KIAA1549: variants seen among roughly 807,000 people sequenced by gnomAD.
The protein encoded by KIAA1549 is UPF0606 protein KIAA1549.
KIAA1549 carries 70 observed loss-of-function variants against 156.4 expected under a neutral mutation model. The observed-to-expected ratio is 0.45, with a 90% CI of 0.37 to 0.55. KIAA1549 has a LOEUF of 0.55. Among genes scored for constraint, KIAA1549 ranks in the 20% least tolerant of loss-of-function variants. The pLI is 0.00. For missense variants in KIAA1549, 2,428 were observed against 2,540.9 expected, an observed-to-expected ratio of 0.96 and a Z score of 0.96; for synonymous variants, 1,103 against 1,066.4, an observed-to-expected ratio of 1.03 and a Z score of -0.67.
chr7:138,869,423 TG>T, intron 14 of KIAA1549, 114 bp downstream of exon 14: 1 of 787,000 alleles, frequency 1.3e-6, no homozygotes, highest in Non-Finnish European at 2.1e-6. Flanking sequence ...TGAACACGGA[TG>T]GGGTCCTTCT....
chr7:138,957,282 C>T (rs929134008), intron 1 of KIAA1549, among the ~76,000 whole-genome samples: 2 of 152,180 alleles, frequency 1.3e-5, no homozygotes, highest in Non-Finnish European at 2.9e-5. Context: ...ACCAGAGACA[C>T]TGCCATGTGA....
chr7:138,841,148 GGGGTGACAGGTTT>G (rs1468215342), intron 18 of KIAA1549, among the ~76,000 whole-genome samples: 1 of 152,104 alleles, frequency 6.6e-6, no homozygotes, highest in Non-Finnish European at 1.5e-5. Flanking sequence ...TATTAAGAAA[GGGGTGACAGGTTT>G]GGGAGCCACC....
rs975437857 is a variant in KIAA1549 at position 138,947,455 on chromosome 7, G to C, written c.188-28017C>G. Among the ~76,000 whole-genome samples, 11 of 151,994 alleles carry C rather than the reference G, an allele frequency of 7.2e-5. No individual in the cohort carries two copies. The East Asian group carries it at 1.3e-3, about 19-fold the overall frequency. On this transcript the variant is annotated intron_variant, in intron 1 of 19. Transcript: ENST00000422774. The stretch of plus-strand genomic sequence containing the variant: ...TGACCTCACCAAGCAGCCAGCCCAG[G>C]GGGTAGTCTCACACTGCCTGGGTCC...
intron 10 of KIAA1549, among the ~76,000 whole-genome samples, chr7:138,882,634 T>G (rs977198089): frequency 1.7e-4 from 26 of 152,216 alleles, no homozygotes; most frequent in Non-Finnish European, 7.4e-5. Flanking sequence ...TCTAATAGTT[T>G]GGGGCTAAGA....
rs1201727558 is a variant in KIAA1549, at chr7:138,861,299, G to A, written c.5087C>T (p.Ala1696Val). The A allele has an allele frequency of 1.2e-6, 2 of 1,608,706 alleles. No individual in the cohort carries two copies. The highest frequency in any genetic ancestry group is 4.5e-5 in the East Asian group (2 of 44,812). Residue 1696 changes from alanine to valine, a missense_variant, in exon 16 of 20, where the codon GCC (alanine) becomes GTC (valine). Physicochemically the swap from Ala to Val is moderately conservative, Grantham distance 64. This residue lies in a region of KIAA1549 where 363 missense variants were observed against 354.0 expected (regional missense o/e 1.03). Coordinates refer to ENST00000422774, the MANE Select transcript of KIAA1549 (RefSeq NM_001164665.2). ...TMHSLLDDAF[A>V]LVAPSSQPAS... ...AGGCTGGCTGCTGGGGGCCACGAGG[G>A]CAAAGGCGTCGTCCAGGAGGGAGTG... is the stretch of plus-strand genomic sequence containing the variant.
At chr7:138,905,160 T>TC in intron 6 of KIAA1549, 79 bp from the exon 7 acceptor site, 1 of 931,592 alleles carries the variant, frequency 1.1e-6, no homozygotes, top group Non-Finnish European at 1.7e-6. Context: ...TCCCAACACA[T>TC]CGTCTTTACT....
At chr7:138,867,159 C>A (rs184101008) in intron 15 of KIAA1549, among the ~76,000 whole-genome samples, 1 of 152,274 alleles carries the variant, frequency 6.6e-6, no homozygotes, top group East Asian at 1.9e-4. Flanking sequence ...TAAGCAAATA[C>A]GCTATCTTCT....
intron 1 of KIAA1549, among the ~76,000 whole-genome samples, chr7:138,930,042 G>A (rs1215979147): frequency 1.3e-5 from 2 of 152,342 alleles, no homozygotes; most frequent in East Asian, 3.9e-4. Context: ...ATGGGTTGCA[G>A]AATGGATGTG....
At chr7:138,862,106 C>G (rs2130368282) in intron 15 of KIAA1549, among the ~76,000 whole-genome samples, 1 of 152,182 alleles carries the variant, frequency 6.6e-6, no homozygotes, top group African/African-American at 2.4e-5. Flanking sequence ...TTTTCCCTAG[C>G]TAGAAGTCAA....
intron 1 of KIAA1549, among the ~76,000 whole-genome samples, chr7:138,958,096 CT>C (rs1464642737): frequency 6.6e-6 from 1 of 152,242 alleles, no homozygotes; most frequent in Admixed American, 6.5e-5. Flanking sequence ...CTTTGCACGA[CT>C]GTTATCCTCT....
Position 138,838,171 on chromosome 7 carries a change from T to A in KIAA1549, c.5599-11A>T. ...TCCGAGCATGTGTGTCTGAAAAACATGGCAAACGTCACTGTACTTCCTACG... is the reference window on the plus strand; with the variant it reads ...TCCGAGCATGTGTGTCTGAAAAACAAGGCAAACGTCACTGTACTTCCTACG... On this transcript the variant is annotated splice_polypyrimidine_tract_variant and intron_variant, in intron 19 of 19. Transcript: ENST00000422774. 1 of 1,456,070 alleles carries A rather than the reference T, an allele frequency of 6.9e-7. No homozygotes were observed. The highest frequency in any genetic ancestry group is 9.0e-7 in the Non-Finnish European group (1 of 1,110,252). 90.2% of individuals were successfully genotyped at this position (1,456,070 alleles called of 1,614,324 possible). A position where few individuals can be genotyped will look rare whatever the true frequency, so the allele number is the denominator to read the frequency against.
At chr7:138,940,187 C>A (rs1246949429) in intron 1 of KIAA1549, among the ~76,000 whole-genome samples, 1 of 151,864 alleles carries the variant, frequency 6.6e-6, no homozygotes, top group East Asian at 1.9e-4. Context: ...ACAACAGGCC[C>A]CGGTGTGTGA....
intron 1 of KIAA1549, among the ~76,000 whole-genome samples, chr7:138,935,327 G>A (rs1812978473): frequency 6.6e-6 from 1 of 152,182 alleles, no homozygotes; most frequent in African/African-American, 2.4e-5. Flanking sequence ...GCAAGGTCCA[G>A]AGTATTTACC....
At position 138,907,107 on chromosome 7, in the gene KIAA1549, A is replaced by G. The variant is rs1264031598; in HGVS notation, c.3277-5T>C. 1 of 1,571,562 alleles carries G rather than the reference A, an allele frequency of 6.4e-7. No individual in the cohort carries two copies. Among genetic ancestry groups the G allele is most frequent in the Non-Finnish European group, 8.6e-7 (1 of 1,163,430 alleles). On this transcript the variant is annotated splice_region_variant and splice_polypyrimidine_tract_variant and intron_variant, in intron 5 of 19. Coordinates refer to ENST00000422774, the MANE Select transcript of KIAA1549 (RefSeq NM_001164665.2). ...ACTGATGGTGATATTCAAGATCTGA[A>G]AGAATAAAGTCAGAATAAGCTTCTA...
Position 138,918,852 on chromosome 7 carries a change from G to A in KIAA1549, c.774C>T (p.Tyr258=), listed in dbSNP as rs1812442171. ...GCAGAGTCCTGCTTGATAAATGACT[G>A]TAAGCATCAGTAGGATAAAGCACCA... is the stretch of plus-strand genomic sequence containing the variant. ...RNLVLYPTDA[Y]SHLSSRTLPE... The change falls in exon 2 of 20, where the codon TAC becomes TAT. Residue 258 remains tyrosine, a synonymous_variant. Coordinates refer to ENST00000422774, the MANE Select transcript of KIAA1549 (RefSeq NM_001164665.2). The surrounding 1 kb of genome is among the most constrained non-coding windows in gnomAD (Gnocchi z 4.2). The A allele has an allele frequency of 6.2e-7, 1 of 1,614,022 alleles. No homozygotes were observed. The highest frequency in any genetic ancestry group is 8.5e-7 in the Non-Finnish European group (1 of 1,179,890).
chr7:138,906,888 T>A, intron 6 of KIAA1549, 31 bp downstream of exon 6: 1 of 1,395,376 alleles, frequency 7.2e-7, no homozygotes, highest in Non-Finnish European at 9.4e-7. Flanking sequence ...CGCCATCACC[T>A]CCCCAGCATG....
chr7:138,908,953 G>A (rs373792402), intron 5 of KIAA1549, 38 bp downstream of exon 5: 1 of 1,610,772 alleles, frequency 6.2e-7, no homozygotes, highest in Non-Finnish European at 8.5e-7. Flanking sequence ...CCCTTCAAGG[G>A]CTAAAGCCTT....
chr7:138,978,879 C>T (rs142364886), intron 1 of KIAA1549, among the ~76,000 whole-genome samples: 51 of 152,318 alleles, frequency 3.3e-4, no homozygotes, highest in African/African-American at 1.1e-3. Context: ...TCAACAGCAC[C>T]GCCCAGGCAC....
intron 10 of KIAA1549, 79 bp downstream of exon 10, chr7:138,894,263 T>C: frequency 1.5e-6 from 2 of 1,348,686 alleles, no homozygotes. Flanking sequence ...CATCTTTCAG[T>C]ATCAAGAGCC....
Sources: gnomAD v4.1 joint callset for allele counts (sites outside exome capture counted in the v4.1 genomes callset) on GRCh38, gnomAD v4.1.1 for gene constraint, gnomAD v4.1.1 regional missense constraint, Gnocchi (gnomAD v3.1) non-coding constraint, MANE v1.5 for transcripts, NCBI Gene and HGNC (gene_info 2026-07-23, HGNC 2026-07-21) for gene names.